EYA2: variants seen among roughly 807,000 people sequenced by gnomAD.
EYA2 encodes the protein EYA transcriptional coactivator and phosphatase 2, also known as protein phosphatase EYA2.
Under a neutral mutation model 69.2 loss-of-function variants are expected in EYA2, and 31 were observed. The ratio of observed to expected loss-of-function variants is 0.45; its 90% CI spans 0.34 to 0.60. The LOEUF is 0.60. EYA2 is among the 20% of genes least tolerant of loss of function. The pLI is 0.02. For synonymous variants in EYA2, 257 were observed against 279.4 expected (o/e 0.92, Z 0.80); for missense variants, 622 against 701.2 (o/e 0.89, Z 1.28).
intron 9 of EYA2, among the ~76,000 whole-genome samples, chr20:47,135,439 A>T (rs1437809039): frequency 1.3e-5 from 2 of 151,964 alleles, no homozygotes; most frequent in African/African-American, 4.8e-5. Flanking sequence ...CAAAGCACTC[A>T]CTAGAGATTG....
chr20:47,071,156 C>G (rs1244414751), intron 5 of EYA2, among the ~76,000 whole-genome samples: 2 of 152,110 alleles, frequency 1.3e-5, no homozygotes. Context: ...ATTACAGGCA[C>G]ACACCACCAC....
In EYA2 at chr20:47,182,543, C is replaced by T. The variant is rs988983755; in HGVS notation, c.1436-748C>T. 2.0e-5 allele frequency among the ~76,000 whole-genome samples: 3 copies of T among 146,566 alleles called. No homozygotes were observed. The Admixed American group carries it at 2.1e-4, about 10-fold the overall frequency. ...ACTTGGAAGGCTGAGGTAGGAGAGT[C>T]GCTTGAACCCAGGAGGCAGAGGTTG... is the stretch of plus-strand genomic sequence containing the variant. On this transcript the variant is annotated intron_variant, in intron 14 of 15. Transcript: ENST00000327619.
intron 9 of EYA2, among the ~76,000 whole-genome samples, chr20:47,105,957 A>G (rs2032566549): frequency 6.6e-6 from 1 of 152,220 alleles, no homozygotes; most frequent in African/African-American, 2.4e-5. Flanking sequence ...CAATGGGAAC[A>G]GTTTCCAATC....
intron 1 of EYA2, among the ~76,000 whole-genome samples, chr20:46,924,498 A>G (rs1268958529): frequency 6.6e-6 from 1 of 152,032 alleles, no homozygotes; most frequent in Non-Finnish European, 1.5e-5. Context: ...GTGAAAACCC[A>G]TCTGTACTAA....
intron 15 of EYA2, 113 bp downstream of exon 15, chr20:47,183,504 T>A: frequency 1.2e-6 from 1 of 829,254 alleles, no homozygotes; most frequent in Non-Finnish European, 1.9e-6. Context: ...TGGGTCCTCC[T>A]TCCCAGGCTC....
chr20:46,918,477 T>G (rs1985029664), intron 1 of EYA2, among the ~76,000 whole-genome samples: 1 of 152,136 alleles, frequency 6.6e-6, no homozygotes, highest in South Asian at 2.1e-4. Context: ...CCCGGCTATT[T>G]TTTTTAGTTT....
intron 1 of EYA2, among the ~76,000 whole-genome samples, chr20:46,910,459 C>G (rs1260362251): frequency 1.3e-5 from 2 of 152,136 alleles, no homozygotes; most frequent in Non-Finnish European, 2.9e-5. Context: ...GGTGTGGACA[C>G]GCATCCAAAC....
rs35654076 is a variant in EYA2, at chr20:47,176,076, C to CT, written c.1198+3230dup. ...AACAAGTGAGCAAATCACTTAAATT[C>CT]TTTTTTTTTTTTTTTTTTTTTGAGA... On this transcript the variant is annotated intron_variant, in intron 12 of 15. Transcript: ENST00000327619. Among the ~76,000 whole-genome samples, 624 of 112,438 alleles carry CT rather than the reference C, an allele frequency of 5.5e-3. 4 individuals carry two copies. Among genetic ancestry groups the CT allele is most frequent in the South Asian group, 9.3e-3 (33 of 3,554 alleles). The allele number at this position is 112,438 out of a possible 152,430, so 73.8% of individuals were successfully genotyped here.
At chr20:47,044,986 A>G (rs1417451) in intron 5 of EYA2, among the ~76,000 whole-genome samples, 5,146 of 152,298 alleles carry the variant, frequency 0.034, 280 homozygotes, top group African/African-American at 0.12. Context: ...GAAGAGTACA[A>G]GGGGCTTTGA....
chr20:47,065,433 C>G (rs1468709138), intron 5 of EYA2, among the ~76,000 whole-genome samples: 1 of 151,982 alleles, frequency 6.6e-6, no homozygotes, highest in Non-Finnish European at 1.5e-5. Flanking sequence ...CATACACATA[C>G]AGTCCCAAAA....
chr20:46,961,769 G>A (rs2425919), intron 1 of EYA2, among the ~76,000 whole-genome samples: 145,441 of 152,334 alleles, frequency 0.95, 69,818 homozygotes, highest in Middle Eastern at 0.99. Flanking sequence ...TAAGCGAGGA[G>A]CAGAAAGATA....
In EYA2 at chr20:47,015,146, C is replaced by T. The variant is rs549043899; in HGVS notation, c.299-1035C>T. 3.9e-5 allele frequency among the ~76,000 whole-genome samples: 6 copies of T among 152,276 alleles called. No homozygotes were observed. In the South Asian group the frequency reaches 6.2e-4, roughly 16 times the overall value. On this transcript the variant is annotated intron_variant, in intron 4 of 15. Coordinates refer to ENST00000327619, the MANE Select transcript of EYA2 (RefSeq NM_005244.5). ...AATTGTGTTCCATAAAGCTGGTAATCGTGGTTGCCTATAGGCAGAAGAGCT... is the reference window on the plus strand; with the variant it reads ...AATTGTGTTCCATAAAGCTGGTAATTGTGGTTGCCTATAGGCAGAAGAGCT...
chr20:47,005,620 A>G lies in EYA2; in HGVS notation c.298+536A>G, dbSNP rs142952250. On this transcript the variant is annotated intron_variant, in intron 4 of 15. Transcript: ENST00000327619. ...TGGCAATGCTTATAGCAAGGCAAGG[A>G]GAACAGGGTGATGGAGATAAGGAAG... Among the ~76,000 whole-genome samples the G allele has an allele frequency of 6.4e-3, 977 of 152,370 alleles. 12 individuals are homozygous for G. Among genetic ancestry groups the G allele is most frequent in the African/African-American group, 0.022 (925 of 41,582 alleles).
chr20:47,151,886 G>T (rs2033830533), intron 10 of EYA2, among the ~76,000 whole-genome samples: 1 of 152,000 alleles, frequency 6.6e-6, no homozygotes. Flanking sequence ...GTAAATCGTT[G>T]TTTCTTGACG....
intron 1 of EYA2, among the ~76,000 whole-genome samples, chr20:46,989,535 G>A (rs925613600): frequency 1.3e-5 from 2 of 152,168 alleles, no homozygotes; most frequent in Admixed American, 1.3e-4. Context: ...CCAAAGTGCT[G>A]GGATTACAGG....
In EYA2 at chr20:47,016,273, A is replaced by G; in HGVS notation, c.391A>G (p.Ser131Gly). 6.2e-7 allele frequency: 1 copy of G among 1,614,160 alleles called. No homozygotes were observed. The highest frequency in any genetic ancestry group is 8.5e-7 in the Non-Finnish European group (1 of 1,179,986). ...SSFSTSPTGQ[S>G]PYTYQMHGTT... Reference sequence around the variant, plus strand: ...CTTCAGCACCTCACCCACTGGACAGAGCCCATACACCTACCAGATGCACGG... The same window carrying G: ...CTTCAGCACCTCACCCACTGGACAGGGCCCATACACCTACCAGATGCACGG... Residue 131 changes from serine (S) to glycine (G), a missense_variant, in exon 5 of 16, where the codon AGC becomes GGC. Around this residue, in one of 2 missense-constraint regions of EYA2, gnomAD observed 365 missense variants for 349.7 expected, o/e 1.04. Coordinates refer to ENST00000327619, the MANE Select transcript of EYA2 (RefSeq NM_005244.5).
intron 2 of EYA2, among the ~76,000 whole-genome samples, chr20:46,991,263 G>A (rs925170766): frequency 1.8e-4 from 27 of 152,222 alleles, no homozygotes; most frequent in African/African-American, 4.8e-5. Flanking sequence ...GTAGTAACAG[G>A]AAAGGACATA....
intron 4 of EYA2, among the ~76,000 whole-genome samples, chr20:47,015,469 T>C (rs1983351913): frequency 6.6e-6 from 1 of 152,126 alleles, no homozygotes; most frequent in Admixed American, 6.6e-5. Flanking sequence ...AGTGATATCA[T>C]CTTTGCAGAG....
chr20:47,103,009 C>A (rs1188409059), intron 9 of EYA2, among the ~76,000 whole-genome samples: 1 of 152,214 alleles, frequency 6.6e-6, no homozygotes, highest in Non-Finnish European at 1.5e-5. Flanking sequence ...TGCCCTGACT[C>A]CTCCTTTTGT....
Sources: allele counts gnomAD v4.1 joint callset (sites outside exome capture counted in the v4.1 genomes callset), GRCh38; gene constraint gnomAD v4.1.1; regional missense constraint gnomAD v4.1.1; transcripts MANE v1.5; gene names NCBI Gene and HGNC (gene_info 2026-07-23, HGNC 2026-07-21).